Variants in CHST9 observed in about 807,000 individuals in gnomAD.
CHST9 encodes carbohydrate sulfotransferase 9.
Under a neutral mutation model 44.4 loss-of-function variants are expected in CHST9, and 41 were observed. That is an observed-to-expected ratio of 0.92 (90% CI 0.72 to 1.20). CHST9 has a LOEUF of 1.20. Ranked by LOEUF, CHST9 falls within the 50% of genes most tolerant of loss-of-function variation. The pLI, the probability that CHST9 is intolerant of heterozygous loss-of-function variation, is 0.00. For synonymous variants in CHST9, 171 were observed against 178.4 expected (o/e 0.96, Z 0.33); for missense variants, 504 against 516.5 (o/e 0.98, Z 0.23).
At chr18:27,019,710 A>AAAAAAAG in intron 4 of CHST9, among the ~76,000 whole-genome samples, 1 of 150,834 alleles carries the variant, frequency 6.6e-6, no homozygotes, top group Non-Finnish European at 1.5e-5. Flanking sequence ...AAAAAAAAAA[A>AAAAAAAG]AGAGAGAAAA....
chr18:27,051,843 T>C (rs972970931), intron 2 of CHST9, among the ~76,000 whole-genome samples: 15 of 152,200 alleles, frequency 9.9e-5, no homozygotes, highest in Non-Finnish European at 4.4e-5. Flanking sequence ...ATTTATCATT[T>C]AATATACTAT....
intron 2 of CHST9, among the ~76,000 whole-genome samples, chr18:27,103,400 T>A (rs923774038): frequency 2.0e-5 from 3 of 152,158 alleles, no homozygotes; most frequent in African/African-American, 7.2e-5. Flanking sequence ...TTTAGCCTCA[T>A]CCCTGGCCTC....
rs1366106128 is a variant in CHST9 at position 26,914,625 on chromosome 18, C to A, written c.*1634G>T. Reference sequence around the variant, plus strand: ...AGGTTTAATACTTTTGATCTCTCAGCCCATTGCAGTTTACTTACTCCTTAG... The same window carrying A: ...AGGTTTAATACTTTTGATCTCTCAGACCATTGCAGTTTACTTACTCCTTAG... On this transcript the variant is annotated 3_prime_UTR_variant, in exon 6 of 6. Coordinates refer to ENST00000618847, the MANE Select transcript of CHST9 (RefSeq NM_031422.6). 1.4e-5 allele frequency: 4 copies of A among 293,526 alleles called. No homozygotes were observed. The highest frequency in any genetic ancestry group is 2.5e-5 in the Non-Finnish European group (4 of 160,442). 18.2% of individuals were successfully genotyped at this position (293,526 alleles called of 1,614,324 possible).
intron 4 of CHST9, among the ~76,000 whole-genome samples, chr18:26,980,075 T>G (rs978209740): frequency 2.6e-5 from 4 of 152,138 alleles, no homozygotes; most frequent in African/African-American, 9.6e-5. Context: ...CAAGACTACA[T>G]TAAGACAGGA....
intron 1 of CHST9, among the ~76,000 whole-genome samples, chr18:27,178,634 C>G (rs2058886790): frequency 6.9e-6 from 1 of 144,536 alleles, no homozygotes; most frequent in African/African-American, 2.6e-5. Flanking sequence ...ACCCTCTAAT[C>G]TCTCTGCAAA....
chr18:27,076,563 A>G (rs1014473956), intron 2 of CHST9, among the ~76,000 whole-genome samples: 2 of 152,174 alleles, frequency 1.3e-5, no homozygotes, highest in Non-Finnish European at 2.9e-5. Context: ...CCGTGAGCCT[A>G]TACTTCCCTA....
chr18:27,154,902 G>A (rs1006434970), intron 1 of CHST9, among the ~76,000 whole-genome samples: 10 of 151,876 alleles, frequency 6.6e-5, no homozygotes, highest in African/African-American at 1.7e-4. Flanking sequence ...GGCCAACATG[G>A]TGAAACCCTG....
At chr18:26,934,179 A>C (rs1568098108) in intron 5 of CHST9, 2 of 152,298 alleles carry the variant, frequency 1.3e-5, no homozygotes, top group Non-Finnish European at 2.9e-5. Context: ...ACAGGGGTGC[A>C]GTATAAGCCA....
chr18:26,997,683 C>T (rs1188634264), intron 4 of CHST9, among the ~76,000 whole-genome samples: 1 of 152,170 alleles, frequency 6.6e-6, no homozygotes, highest in Non-Finnish European at 1.5e-5. Context: ...CCTAGAATAG[C>T]ACTCAAAATT....
chr18:27,010,814 G>A (rs1374539049), intron 4 of CHST9, among the ~76,000 whole-genome samples: 1 of 152,178 alleles, frequency 6.6e-6, no homozygotes, highest in Non-Finnish European at 1.5e-5. Context: ...CTGTTTCTAA[G>A]GGGCTCAGGA....
At position 26,970,208 on chromosome 18, in the gene CHST9, T is replaced by C. The variant is rs149757084; in HGVS notation, c.203-25842A>G. ...GATGTTAAGCTTCTAAAATACAGAT[T>C]TCTGATCAAAATCTTTGAGCTGCAA... On this transcript the variant is annotated intron_variant, in intron 4 of 5. Transcript: ENST00000618847. Among the ~76,000 whole-genome samples, 1,517 of 152,276 alleles carry C rather than the reference T, an allele frequency of 1.0e-2. 93 individuals carry two copies. The highest frequency in any genetic ancestry group is 0.087 in the Admixed American group (1,325 of 15,284).
chr18:27,181,134 T>C (rs916459039), intron 1 of CHST9, among the ~76,000 whole-genome samples: 3 of 152,206 alleles, frequency 2.0e-5, no homozygotes, highest in Non-Finnish European at 2.9e-5. Context: ...TGATCTTATC[T>C]GCTTTTCCCA....
chr18:26,962,985 G>GCT (rs1318388694), intron 4 of CHST9, among the ~76,000 whole-genome samples: 1 of 152,174 alleles, frequency 6.6e-6, no homozygotes, highest in African/African-American at 2.4e-5. Flanking sequence ...AAACTTTAAA[G>GCT]CTGACATTTT....
intron 2 of CHST9, among the ~76,000 whole-genome samples, chr18:27,056,347 A>C (rs1239229094): frequency 1.3e-5 from 2 of 152,190 alleles, no homozygotes; most frequent in African/African-American, 4.8e-5. Flanking sequence ...CAGTTAGTGA[A>C]TGTCAGAACT....
intron 2 of CHST9, among the ~76,000 whole-genome samples, chr18:27,070,820 GC>G (rs1292934059): frequency 1.3e-5 from 2 of 152,206 alleles, no homozygotes; most frequent in Non-Finnish European, 2.9e-5. Flanking sequence ...ATCCTACTTT[GC>G]TCTGTGTTAG....
At chr18:26,982,339 C>CTTTTTTTTTTTTTTTTTTT in intron 4 of CHST9, among the ~76,000 whole-genome samples, 1 of 133,720 alleles carries the variant, frequency 7.5e-6, no homozygotes. Flanking sequence ...CTCCTTTTAC[C>CTTTTTTTTTTTTTTTTTTT]TTTTTTTTTT....
At chr18:26,933,078 T>C (rs2145090729) in intron 5 of CHST9, 1 of 153,880 alleles carries the variant, frequency 6.5e-6, no homozygotes, top group South Asian at 2.1e-4. Context: ...CCTGGAGGAA[T>C]CTACACGTGC....
intron 1 of CHST9, among the ~76,000 whole-genome samples, chr18:27,177,574 T>A (rs551825823): frequency 6.6e-6 from 1 of 152,146 alleles, no homozygotes; most frequent in East Asian, 1.9e-4. Flanking sequence ...GTCATCTTAT[T>A]TGGTTTTCCC....
At chr18:27,138,619 C>T (rs1034262827) in intron 2 of CHST9, among the ~76,000 whole-genome samples, 3 of 152,118 alleles carry the variant, frequency 2.0e-5, no homozygotes, top group Admixed American at 6.5e-5. Flanking sequence ...AGATGTTCTG[C>T]GTCATTTCCA....
Sources: gnomAD v4.1 joint callset for allele counts (sites outside exome capture counted in the v4.1 genomes callset) on GRCh38, gnomAD v4.1.1 for gene constraint, MANE v1.5 for transcripts, NCBI Gene and HGNC (gene_info 2026-07-23, HGNC 2026-07-21) for gene names.